Variants in IL1RAPL2 observed in about 807,000 individuals in gnomAD.
IL1RAPL2 encodes interleukin 1 receptor accessory protein like 2.
IL1RAPL2 carries 3 observed loss-of-function variants against 44.1 expected under a neutral mutation model. The ratio of observed to expected loss-of-function variants is 0.07; its 90% CI spans 0.03 to 0.18. The LOEUF (loss-of-function observed/expected upper bound fraction) is 0.18, where lower values mean the gene tolerates loss of function less well. IL1RAPL2 is among the 10% of genes least tolerant of loss of function. The probability of loss-of-function intolerance (pLI) is 1.00; values close to 1 mark genes in which losing one functional copy is unlikely to be tolerated. For synonymous variants in IL1RAPL2, 181 were observed against 178.8 expected, an observed-to-expected ratio of 1.01 and a Z score of -0.10; for missense variants, 391 against 496.4, an observed-to-expected ratio of 0.79 and a Z score of 2.02.
intron 1 of IL1RAPL2, among the ~76,000 whole-genome samples, chrX:104,592,795 G>T (rs1928694222): frequency 8.9e-6 from 1 of 111,791 alleles, no homozygotes; most frequent in African/African-American, 3.2e-5. Context: ...GTTCCATTTT[G>T]GAAGTCTTCT....
chrX:104,758,312 C>T (rs1883287769), intron 2 of IL1RAPL2, among the ~76,000 whole-genome samples: 1 of 111,637 alleles, frequency 9.0e-6, no homozygotes, highest in Non-Finnish European at 1.9e-5. Flanking sequence ...ATTTTTCACA[C>T]ATAGGAAAGT....
chrX:104,847,674 G>A (rs1386794719), intron 2 of IL1RAPL2, among the ~76,000 whole-genome samples: 1 of 111,581 alleles, frequency 9.0e-6, no homozygotes, highest in Non-Finnish European at 1.9e-5. Context: ...TTGGAAATGC[G>A]GGTTCTTTTT....
chrX:105,581,747 T>C (rs1287966524), intron 6 of IL1RAPL2, among the ~76,000 whole-genome samples: 2 of 111,654 alleles, frequency 1.8e-5, no homozygotes, highest in East Asian at 5.6e-4. Flanking sequence ...GACATTGTTA[T>C]ACTGCTTTCC....
intron 6 of IL1RAPL2, among the ~76,000 whole-genome samples, chrX:105,665,803 C>T (rs1167423580): frequency 9.7e-6 from 1 of 102,979 alleles, no homozygotes; most frequent in African/African-American, 3.7e-5. Context: ...CGCTCTGTCG[C>T]CCAGGCTGGA....
intron 2 of IL1RAPL2, among the ~76,000 whole-genome samples, chrX:105,103,514 A>T (rs1238282198): frequency 1.8e-5 from 2 of 112,124 alleles, no homozygotes; most frequent in Admixed American, 9.5e-5. Context: ...ATGTTCATGT[A>T]ATAAGATGGT....
At chrX:105,441,939 G>C (rs1438835191) in intron 5 of IL1RAPL2, among the ~76,000 whole-genome samples, 1 of 111,460 alleles carries the variant, frequency 9.0e-6, no homozygotes, top group Non-Finnish European at 1.9e-5. Flanking sequence ...TAGGTTTGAA[G>C]ACTAGTCTTA....
At chrX:104,925,861 C>T (rs1282452402) in intron 2 of IL1RAPL2, among the ~76,000 whole-genome samples, 1 of 111,339 alleles carries the variant, frequency 9.0e-6, no homozygotes, top group Non-Finnish European at 1.9e-5. Context: ...AATCAGGCAG[C>T]AGAAAGAAAT....
At chrX:104,818,856 G>A (rs756953481) in intron 2 of IL1RAPL2, among the ~76,000 whole-genome samples, 2 of 111,765 alleles carry the variant, frequency 1.8e-5, no homozygotes, top group Non-Finnish European at 3.8e-5. Context: ...GGAGGGAATG[G>A]GATCCAGAGT....
intron 2 of IL1RAPL2, among the ~76,000 whole-genome samples, chrX:105,072,832 C>T (rs1434411379): frequency 9.3e-6 from 1 of 107,906 alleles, no homozygotes; most frequent in Non-Finnish European, 1.9e-5. Context: ...ATGTTCCCAT[C>T]TCTGAACACA....
chrX:105,041,672 A>G (rs896698621), intron 2 of IL1RAPL2, among the ~76,000 whole-genome samples: 8 of 109,199 alleles, frequency 7.3e-5, no homozygotes, highest in African/African-American at 1.0e-4. Context: ...TATAGATTCA[A>G]TGCCATCCCC....
At chrX:105,218,710 C>T (rs2033893672) in intron 3 of IL1RAPL2, among the ~76,000 whole-genome samples, 1 of 108,905 alleles carries the variant, frequency 9.2e-6, no homozygotes, top group Non-Finnish European at 1.9e-5. Context: ...TCTCTCCCCA[C>T]CCCAATCTAT....
intron 2 of IL1RAPL2, among the ~76,000 whole-genome samples, chrX:104,731,546 G>A (rs769336691): frequency 9.0e-6 from 1 of 110,663 alleles, no homozygotes; most frequent in East Asian, 2.8e-4. Flanking sequence ...GGGATTACAG[G>A]TGGGCACAAC....
chrX:105,018,782 G>T (rs2031231481), intron 2 of IL1RAPL2, among the ~76,000 whole-genome samples: 1 of 111,579 alleles, frequency 9.0e-6, no homozygotes, highest in Non-Finnish European at 1.9e-5. Context: ...AAAGGAGTTA[G>T]GAAATTTGAA....
At chrX:104,668,058 C>A (rs181803443) in intron 2 of IL1RAPL2, among the ~76,000 whole-genome samples, 4 of 110,820 alleles carry the variant, frequency 3.6e-5, no homozygotes, top group African/African-American at 1.3e-4. Context: ...TATGTGGATG[C>A]ATAAAGTGCA....
At chrX:105,663,017 T>C (rs2037731691) in intron 6 of IL1RAPL2, among the ~76,000 whole-genome samples, 1 of 112,131 alleles carries the variant, frequency 8.9e-6, no homozygotes, top group African/African-American at 3.2e-5. Flanking sequence ...ATCACATCTC[T>C]CAAAAATGGT....
chrX:104,852,605 G>A (rs897810746), intron 2 of IL1RAPL2, among the ~76,000 whole-genome samples: 1 of 111,940 alleles, frequency 8.9e-6, no homozygotes, highest in African/African-American at 3.3e-5. Context: ...GGATGCTTGT[G>A]TAAATGGTTT....
intron 3 of IL1RAPL2, among the ~76,000 whole-genome samples, chrX:105,225,946 G>A (rs1289653404): frequency 9.0e-6 from 1 of 111,308 alleles, no homozygotes. Context: ...CCAAAGTATT[G>A]GGATTACAGG....
At chrX:104,802,126 C>T (rs1295137872) in intron 2 of IL1RAPL2, among the ~76,000 whole-genome samples, 1 of 110,685 alleles carries the variant, frequency 9.0e-6, no homozygotes, top group Non-Finnish European at 1.9e-5. Flanking sequence ...AGGCGGATCA[C>T]CTGAGGTCAG....
chrX:104,709,402 A>C (rs762035652), intron 2 of IL1RAPL2, among the ~76,000 whole-genome samples: 2 of 111,077 alleles, frequency 1.8e-5, no homozygotes, highest in African/African-American at 6.5e-5. Context: ...AACCAGCTCA[A>C]CTTCTCTCTT....
Sources: gnomAD v4.1 joint callset for allele counts (sites outside exome capture counted in the v4.1 genomes callset) on GRCh38, gnomAD v4.1.1 for gene constraint, MANE v1.5 for transcripts, NCBI Gene and HGNC (gene_info 2026-07-23, HGNC 2026-07-21) for gene names.